The following GRM5 variants were observed in gnomAD, a reference collection of about 807,000 sequenced individuals.
The protein encoded by GRM5 is glutamate metabotropic receptor 5.
GRM5 carries 19 observed loss-of-function variants against 83.1 expected under a neutral mutation model. The observed-to-expected ratio is 0.23, with a 90% CI of 0.16 to 0.34. The LOEUF (loss-of-function observed/expected upper bound fraction) is 0.34. GRM5 is among the 10% of genes least tolerant of loss of function. GRM5 has a pLI of 1.00. For missense variants in GRM5, 1,160 were observed against 1,588.3 expected (o/e 0.73, Z 4.58); for synonymous variants, 675 against 633.6 (o/e 1.07, Z -0.98).
chr11:88,816,804 G>T (rs1016665169), intron 3 of GRM5, among the ~76,000 whole-genome samples: 1 of 146,844 alleles, frequency 6.8e-6, no homozygotes, highest in Non-Finnish European at 1.5e-5. Flanking sequence ...TTTTAGAGAA[G>T]TTATATTGCT....
chr11:88,817,483 T>A (rs1943713082), intron 3 of GRM5, among the ~76,000 whole-genome samples: 1 of 152,088 alleles, frequency 6.6e-6, no homozygotes, highest in Non-Finnish European at 1.5e-5. Context: ...TGATATCAAC[T>A]CAAAAAGTGT....
At chr11:88,605,788 C>G (rs184651201) in intron 4 of GRM5, among the ~76,000 whole-genome samples, 1 of 152,258 alleles carries the variant, frequency 6.6e-6, no homozygotes. Flanking sequence ...ACTAAAGGAA[C>G]TAAAATTTGT....
chr11:88,672,994 C>T (rs1048911657), intron 3 of GRM5, among the ~76,000 whole-genome samples: 3 of 151,806 alleles, frequency 2.0e-5, no homozygotes, highest in Non-Finnish European at 2.9e-5. Flanking sequence ...TGCAGCACTG[C>T]AAATATCATG....
intron 2 of GRM5, among the ~76,000 whole-genome samples, chr11:89,038,150 A>G (rs915827908): frequency 6.0e-5 from 6 of 99,982 alleles, no homozygotes; most frequent in African/African-American, 3.4e-4. Flanking sequence ...TTAGAATCTC[A>G]TTGTGTGTGT....
chr11:88,553,664 G>T (rs1942561479), intron 8 of GRM5, among the ~76,000 whole-genome samples: 1 of 152,100 alleles, frequency 6.6e-6, no homozygotes, highest in South Asian at 2.1e-4. Context: ...AGGGGGAATT[G>T]GTAGAACTTG....
intron 2 of GRM5, among the ~76,000 whole-genome samples, chr11:88,864,520 T>C (rs1325267299): frequency 6.6e-6 from 1 of 152,082 alleles, no homozygotes; most frequent in African/African-American, 2.4e-5. Flanking sequence ...CACATTGATT[T>C]TGTATCTTGA....
At chr11:88,798,970 A>G (rs1943338915) in intron 3 of GRM5, among the ~76,000 whole-genome samples, 1 of 152,006 alleles carries the variant, frequency 6.6e-6, no homozygotes, top group Admixed American at 6.6e-5. Context: ...AAAGGTATAA[A>G]GAAAAAATAA....
At chr11:88,962,829 G>A (rs1411807388) in intron 2 of GRM5, among the ~76,000 whole-genome samples, 2 of 152,300 alleles carry the variant, frequency 1.3e-5, no homozygotes, top group East Asian at 1.9e-4. Flanking sequence ...GGTAGTTCAC[G>A]CCTGAAATCC....
intron 2 of GRM5, among the ~76,000 whole-genome samples, chr11:88,956,168 A>G (rs373846748): frequency 6.6e-4 from 100 of 152,320 alleles, no homozygotes; most frequent in Middle Eastern, 3.4e-3. Context: ...CTCAGCTTGA[A>G]AATTTTGTCG....
chr11:88,569,392 C>T (rs539569478), intron 7 of GRM5, among the ~76,000 whole-genome samples: 3 of 152,322 alleles, frequency 2.0e-5, no homozygotes, highest in African/African-American at 7.2e-5. Flanking sequence ...AATATCTATT[C>T]TCCCCTTCAT....
At chr11:89,063,812 A>G (rs535245012) in intron 1 of GRM5, among the ~76,000 whole-genome samples, 1 of 152,316 alleles carries the variant, frequency 6.6e-6, no homozygotes, top group East Asian at 1.9e-4. Flanking sequence ...CTTTAGGAAC[A>G]TAGACTCCTG....
At chr11:88,824,178 GA>G (rs561649305) in intron 3 of GRM5, among the ~76,000 whole-genome samples, 1 of 151,094 alleles carries the variant, frequency 6.6e-6, no homozygotes, top group East Asian at 1.9e-4. Context: ...GAAGCATTAA[GA>G]AAAAAAAACC....
intron 2 of GRM5, among the ~76,000 whole-genome samples, chr11:88,909,298 A>T (rs679813): frequency 3.3e-5 from 5 of 152,078 alleles, no homozygotes; most frequent in Non-Finnish European, 7.4e-5. Flanking sequence ...GTATATTAGC[A>T]AAATTGCCAT....
At chr11:88,937,416 A>AT (rs1937938330) in intron 2 of GRM5, among the ~76,000 whole-genome samples, 1 of 151,688 alleles carries the variant, frequency 6.6e-6, no homozygotes, top group Admixed American at 6.6e-5. Flanking sequence ...AATCTGACAG[A>AT]TTTCTCATTT....
chr11:88,552,819 A>T (rs920587278), intron 8 of GRM5, among the ~76,000 whole-genome samples: 2 of 152,188 alleles, frequency 1.3e-5, no homozygotes, highest in Non-Finnish European at 2.9e-5. Flanking sequence ...TCTGTCTGGC[A>T]CTATTCTCCC....
At chr11:88,615,283 ATAAT>A (rs1938442216) in intron 4 of GRM5, among the ~76,000 whole-genome samples, 1 of 152,172 alleles carries the variant, frequency 6.6e-6, no homozygotes, top group South Asian at 2.1e-4. Context: ...AAAAATAATA[ATAAT>A]TGGAAAACCA....
At chr11:88,521,388 G>A (rs1350066127) in intron 9 of GRM5, among the ~76,000 whole-genome samples, 2 of 152,150 alleles carry the variant, frequency 1.3e-5, no homozygotes, top group Non-Finnish European at 2.9e-5. Context: ...TTGCACTCCA[G>A]CCTGGGTGAC....
At chr11:89,038,151 TTGTGTGTGTG>T (rs35505173) in intron 2 of GRM5, among the ~76,000 whole-genome samples, 30 of 144,694 alleles carry the variant, frequency 2.1e-4, no homozygotes, top group East Asian at 1.2e-3. Context: ...TAGAATCTCA[TTGTGTGTGTG>T]TGTGTGTGTG....
intron 4 of GRM5, among the ~76,000 whole-genome samples, chr11:88,618,865 C>T (rs988493173): frequency 8.5e-5 from 13 of 152,134 alleles, no homozygotes; most frequent in African/African-American, 2.9e-4. Flanking sequence ...CTGCTATGAG[C>T]CAGGATTAAC....
Sources: allele counts gnomAD v4.1 joint callset (sites outside exome capture counted in the v4.1 genomes callset), GRCh38; gene constraint gnomAD v4.1.1; transcripts MANE v1.5; gene names NCBI Gene and HGNC (gene_info 2026-07-23, HGNC 2026-07-21).